MAP6: variants seen among roughly 807,000 people sequenced by gnomAD.
MAP6 encodes the protein microtubule associated protein 6.
In MAP6, 26 loss-of-function variants were observed where a neutral mutation model predicts 42.4. That is an observed-to-expected ratio of 0.61 (90% confidence interval 0.45 to 0.85). MAP6 has a LOEUF of 0.85. Among genes scored for constraint, MAP6 ranks in the 40% least tolerant of loss-of-function variants. The pLI is 0.00. For synonymous variants in MAP6, 418 were observed against 443.8 expected, an observed-to-expected ratio of 0.94 and a Z score of 0.73; for missense variants, 966 against 1,099.0, an observed-to-expected ratio of 0.88 and a Z score of 1.71.
intron 1 of MAP6, among the ~76,000 whole-genome samples, chr11:75,622,406 A>T (rs551555516): frequency 6.6e-6 from 1 of 152,314 alleles, no homozygotes; most frequent in South Asian, 2.1e-4. Flanking sequence ...CACTGCACTC[A>T]GCCAGTAATA....
Position 75,642,964 on chromosome 11 carries a change from G to T in MAP6, c.905+24501C>A, listed in dbSNP as rs572916313. 84 of 420,378 alleles carry T rather than the reference G, an allele frequency of 2.0e-4. No individual in the cohort carries two copies. In the Middle Eastern group the frequency reaches 5.3e-3, roughly 26 times the overall value. The allele number at this position is 420,378 out of a possible 1,614,324, so 26.0% of individuals were successfully genotyped here. ...AAAAAATTCATGTCAGAATACACTT[G>T]TTTGTCAATAATGTGAGTGACTTCC... On this transcript the variant is annotated intron_variant, in intron 1 of 3. Transcript: ENST00000304771.
rs60988687 is a variant in MAP6 at position 75,657,110 on chromosome 11, ATTT to A, written c.905+10352_905+10354del. On this transcript the variant is annotated intron_variant, in intron 1 of 3. Transcript: ENST00000304771. ...GCTTTTGGCAATGTGTGGAGACACT[ATTT>A]TTTTTTTTTTTTTTTTGAGACGGAG... Among the ~76,000 whole-genome samples the A allele has an allele frequency of 5.3e-3, 653 of 123,274 alleles. 3 individuals carry two copies. Among genetic ancestry groups the A allele is most frequent in the African/African-American group, 0.018 (605 of 34,102 alleles). The allele number at this position is 123,274 out of a possible 152,430, so 80.9% of individuals were successfully genotyped here. A position where few individuals can be genotyped will look rare whatever the true frequency, so the allele number is the denominator to read the frequency against.
Position 75,587,979 on chromosome 11 carries a change from C to A in MAP6, c.1522G>T (p.Asp508Tyr). The change falls in exon 4 of 4, where the codon GAT (aspartate) becomes TAT (tyrosine). Residue 508 changes from aspartate to tyrosine, a missense_variant. Asp to Tyr is a radical substitution (Grantham distance 160). This residue lies in a region of MAP6 where 943 missense variants were observed against 1,049.9 expected (regional missense o/e 0.90). Coordinates refer to ENST00000304771, the MANE Select transcript of MAP6 (RefSeq NM_033063.2). ...PMIPLPVKDQ[D>Y]HTVPEPLKNE... is the part of the protein sequence containing the mutation. ...TTTAAAGGCTCAGGGACCGTGTGAT[C>A]TTGATCCTTGACTGGTAATGGGATC... The A allele has an allele frequency of 6.2e-7, 1 of 1,614,172 alleles. No homozygotes were observed. The highest frequency in any genetic ancestry group is 1.3e-5 in the African/African-American group (1 of 75,024).
intron 1 of MAP6, among the ~76,000 whole-genome samples, chr11:75,662,288 A>G (rs1040585045): frequency 6.6e-6 from 1 of 152,204 alleles, no homozygotes; most frequent in South Asian, 2.1e-4. Flanking sequence ...GATAAAATCT[A>G]GTTAGATTAT....
At chr11:75,643,054 T>G (rs1055449381) in intron 1 of MAP6, among the ~76,000 whole-genome samples, 2 of 152,270 alleles carry the variant, frequency 1.3e-5, no homozygotes, top group Non-Finnish European at 2.9e-5. Context: ...TTATTGGCAG[T>G]AGAAATATAA....
intron 1 of MAP6, among the ~76,000 whole-genome samples, chr11:75,620,810 A>G (rs1943094289): frequency 6.6e-6 from 1 of 152,200 alleles, no homozygotes; most frequent in Non-Finnish European, 1.5e-5. Context: ...AACAAAAACC[A>G]TATGATCATC....
intron 1 of MAP6, among the ~76,000 whole-genome samples, chr11:75,666,723 A>C (rs1943954373): frequency 6.6e-6 from 1 of 152,244 alleles, no homozygotes; most frequent in Non-Finnish European, 1.5e-5. Context: ...TTGAATATTT[A>C]ATATTAACTA....
intron 3 of MAP6, among the ~76,000 whole-genome samples, chr11:75,602,524 T>C (rs1942680158): frequency 6.6e-6 from 1 of 152,122 alleles, no homozygotes; most frequent in East Asian, 1.9e-4. Context: ...GTCCTGCCAG[T>C]CGACAGGAAG....
chr11:75,667,951 C>A lies in MAP6; in HGVS notation c.419G>T (p.Arg140Leu). 1 of 1,339,990 alleles carries A rather than the reference C, an allele frequency of 7.5e-7. No homozygotes were observed. Among genetic ancestry groups the A allele is most frequent in the Non-Finnish European group, 9.6e-7 (1 of 1,039,510 alleles). 83.0% of individuals were successfully genotyped at this position (1,339,990 alleles called of 1,614,324 possible). Residue 140 changes from arginine (R) to leucine (L), a missense_variant, in exon 1 of 4, where the codon CGC becomes CTC. This residue lies in a region of MAP6 where 943 missense variants were observed against 1,049.9 expected (regional missense o/e 0.90). Transcript: ENST00000304771. This position sits in a 1 kb window ranked among gnomAD's most constrained non-coding sequence, Gnocchi z 5.6. ...VQRPEPSCRP[R>L]SEYQPSDAPF... ...AGCGTCGGAGGGCTGGTATTCGCTGCGCGGCCGGCAGCTGGGCTCGGGCCG... is the reference window on the plus strand; with the variant it reads ...AGCGTCGGAGGGCTGGTATTCGCTGAGCGGCCGGCAGCTGGGCTCGGGCCG...
chr11:75,615,319 G>T (rs1440062708), intron 1 of MAP6, among the ~76,000 whole-genome samples: 1 of 152,216 alleles, frequency 6.6e-6, no homozygotes, highest in Non-Finnish European at 1.5e-5. Flanking sequence ...TCATAGAATT[G>T]ATGTGGGGGT....
chr11:75,614,130 T>C (rs1590770437), intron 1 of MAP6, among the ~76,000 whole-genome samples: 1 of 150,922 alleles, frequency 6.6e-6, no homozygotes, highest in African/African-American at 2.4e-5. Context: ...GTAGATGACT[T>C]TCTTCCCTTC....
chr11:75,641,759 T>C (rs1943475124), intron 1 of MAP6, among the ~76,000 whole-genome samples: 1 of 152,268 alleles, frequency 6.6e-6, no homozygotes, highest in Non-Finnish European at 1.5e-5. Flanking sequence ...GCTGTAACCC[T>C]GGGAGGTATC....
At position 75,587,376 on chromosome 11, in the gene MAP6, C is replaced by G. The variant is rs748345374; in HGVS notation, c.2125G>C (p.Val709Leu). The G allele has an allele frequency of 1.2e-6, 2 of 1,614,078 alleles. No individual in the cohort carries two copies. Among genetic ancestry groups the G allele is most frequent in the Non-Finnish European group, 1.7e-6 (2 of 1,180,008 alleles). Reference sequence around the variant, plus strand: ...TCTTGATTCTTCACGGACTCGGGGACCACAGGACCTTGATTCTTTACAGGT... The same window carrying G: ...TCTTGATTCTTCACGGACTCGGGGAGCACAGGACCTTGATTCTTTACAGGT... ...VAPVKNQGPVVPESVKNQDPI... is the reference protein window; with the variant it reads ...VAPVKNQGPVLPESVKNQDPI... The change falls in exon 4 of 4, where the codon GTC becomes CTC. Residue 709 changes from valine (V) to leucine (L), a missense_variant. Physicochemically the swap from Val to Leu is conservative, Grantham distance 32 (BLOSUM62 1). This residue lies in a region of MAP6 where 943 missense variants were observed against 1,049.9 expected (regional missense o/e 0.90). Coordinates refer to ENST00000304771, the MANE Select transcript of MAP6 (RefSeq NM_033063.2).
intron 3 of MAP6, chr11:75,603,514 T>C (rs1307617370): frequency 4.1e-6 from 4 of 981,128 alleles, no homozygotes; most frequent in African/African-American, 3.6e-5. Context: ...CAGAAGGGGA[T>C]ACTGACAGGT....
chr11:75,611,322 C>T (rs2135595241), intron 1 of MAP6, among the ~76,000 whole-genome samples: 1 of 152,390 alleles, frequency 6.6e-6, no homozygotes, highest in Middle Eastern at 3.4e-3. Context: ...GTACCCTATT[C>T]CTAAGTGCTG....
At chr11:75,646,781 C>T (rs1469525968) in intron 1 of MAP6, among the ~76,000 whole-genome samples, 2 of 151,938 alleles carry the variant, frequency 1.3e-5, no homozygotes, top group African/African-American at 2.4e-5. Context: ...GCGTGCGCAA[C>T]AAGAGCAAAA....
At chr11:75,631,968 G>A (rs1309171156) in intron 1 of MAP6, among the ~76,000 whole-genome samples, 2 of 152,158 alleles carry the variant, frequency 1.3e-5, no homozygotes, top group Admixed American at 6.5e-5. Context: ...TTATCTCTGC[G>A]AGCCCCATAC....
intron 1 of MAP6, among the ~76,000 whole-genome samples, chr11:75,638,015 A>G (rs1943400458): frequency 6.6e-6 from 1 of 152,334 alleles, no homozygotes; most frequent in African/African-American, 2.4e-5. Context: ...GTCCAATAAT[A>G]GGGGAATGGT....
In MAP6 at chr11:75,587,426, T is replaced by A; in HGVS notation, c.2075A>T (p.Lys692Met). The A allele has an allele frequency of 2.5e-6, 4 of 1,614,120 alleles. No individual in the cohort carries two copies. In the South Asian group the frequency reaches 3.3e-5, roughly 13 times the overall value. ...DQDVVVPEHA[K>M]VHDSAVVAPV... ...TGCCACAACTGCAGAATCGTGAACC[T>A]TTGCATGCTCTGGGACTACAACATC... Residue 692 changes from lysine (K) to methionine (M), a missense_variant, in exon 4 of 4, where the codon AAG becomes ATG. This residue lies in a region of MAP6 where 943 missense variants were observed against 1,049.9 expected (regional missense o/e 0.90). Transcript: ENST00000304771.
Sources: allele counts gnomAD v4.1 joint callset (sites outside exome capture counted in the v4.1 genomes callset), GRCh38; gene constraint gnomAD v4.1.1; regional missense constraint gnomAD v4.1.1; non-coding constraint Gnocchi (gnomAD v3.1); transcripts MANE v1.5; gene names NCBI Gene and HGNC (gene_info 2026-07-23, HGNC 2026-07-21).